Variants in LIMD1 observed in about 807,000 individuals in gnomAD.
The protein encoded by LIMD1 is LIM domain-containing protein 1.
In LIMD1, 23 loss-of-function variants were observed where a neutral mutation model predicts 58.4. That is an observed-to-expected ratio of 0.39 (90% CI 0.28 to 0.56). The LOEUF is 0.56. LIMD1 is among the 20% of genes least tolerant of loss of function. The pLI is 0.57. For missense variants in LIMD1, 838 were observed against 855.5 expected, an observed-to-expected ratio of 0.98 and a Z score of 0.25; for synonymous variants, 334 against 345.5, an observed-to-expected ratio of 0.97 and a Z score of 0.37.
chr3:45,623,467 C>G (rs750796551), intron 1 of LIMD1, among the ~76,000 whole-genome samples: 4 of 152,114 alleles, frequency 2.6e-5, no homozygotes, highest in Non-Finnish European at 4.4e-5. Context: ...CAAAAGTATA[C>G]CTACGGGCAG....
intron 4 of LIMD1, among the ~76,000 whole-genome samples, chr3:45,670,030 A>C (rs553016561): frequency 1.3e-5 from 2 of 152,190 alleles, no homozygotes; most frequent in Non-Finnish European, 2.9e-5. Context: ...TCTTAGCCCT[A>C]TTAGAGCCAT....
At position 45,644,233 on chromosome 3, in the gene LIMD1, C is replaced by T. The variant is rs116243157; in HGVS notation, c.1510+7982C>T. ...TTGGTGATTGACTCACCAGTTAGTT[C>T]GCCTCTGAAGGACTGGAGGGTTCTT... On this transcript the variant is annotated intron_variant, in intron 2 of 7. Transcript: ENST00000273317. Among the ~76,000 whole-genome samples the T allele has an allele frequency of 3.7e-3, 558 of 152,312 alleles. 2 individuals are homozygous for T. The highest frequency in any genetic ancestry group is 0.013 in the South Asian group (65 of 4,822).
intron 1 of LIMD1, among the ~76,000 whole-genome samples, chr3:45,597,054 G>A (rs986857452): frequency 5.3e-5 from 8 of 151,798 alleles, no homozygotes; most frequent in Non-Finnish European, 1.2e-4. Flanking sequence ...TAGAGACAGG[G>A]TTTCACTGCG....
At chr3:45,641,489 T>TATTTATATAAATAAAATAAAA (rs1344425142) in intron 2 of LIMD1, among the ~76,000 whole-genome samples, 3 of 148,590 alleles carry the variant, frequency 2.0e-5, no homozygotes, top group Non-Finnish European at 4.5e-5. Context: ...AAGCCAGATT[T>TATTTATATAAATAAAATAAAA]TATATATAAT....
chr3:45,619,839 C>CCCA (rs1491272722), intron 1 of LIMD1, among the ~76,000 whole-genome samples: 2 of 101,882 alleles, frequency 2.0e-5, no homozygotes, highest in Admixed American at 9.2e-5. Flanking sequence ...CCCCCCCCCC[C>CCCA]AAAAAAAGCA....
At chr3:45,616,691 C>T (rs1701579243) in intron 1 of LIMD1, among the ~76,000 whole-genome samples, 1 of 152,038 alleles carries the variant, frequency 6.6e-6, no homozygotes, top group African/African-American at 2.4e-5. Flanking sequence ...TCAAGATTCA[C>T]AAGCAAATCA....
At chr3:45,596,883 A>G (rs1701361763) in intron 1 of LIMD1, among the ~76,000 whole-genome samples, 1 of 137,804 alleles carries the variant, frequency 7.3e-6, no homozygotes, top group African/African-American at 2.9e-5. Flanking sequence ...TTTTTTTGAG[A>G]TGGAGTCTCG....
intron 2 of LIMD1, among the ~76,000 whole-genome samples, chr3:45,650,867 T>C (rs940544912): frequency 6.6e-6 from 1 of 152,014 alleles, no homozygotes; most frequent in Non-Finnish European, 1.5e-5. Flanking sequence ...ATGGGATGGC[T>C]GGGTCAAATG....
chr3:45,596,187 A>C lies in LIMD1; in HGVS notation c.1308A>C (p.Pro436=), dbSNP rs1234332255. 1.2e-6 allele frequency: 2 copies of C among 1,613,932 alleles called. No homozygotes were observed. The highest frequency in any genetic ancestry group is 2.2e-5 in the South Asian group (2 of 91,018). The change falls in exon 1 of 8, where the codon CCA becomes CCC. Residue 436 remains proline, a synonymous_variant. Transcript: ENST00000273317. ...RVRLPCQPLV[P]GPELRPSAAE... is the part of the protein sequence containing the mutation. ...GGCTGCCCTGCCAGCCCCTCGTCCC[A>C]GGTCCTGAGCTGAGACCCTCTGCTG...
intron 1 of LIMD1, among the ~76,000 whole-genome samples, chr3:45,618,664 A>G (rs528131556): frequency 6.6e-6 from 1 of 152,336 alleles, no homozygotes; most frequent in East Asian, 1.9e-4. Context: ...GTAAGAGCTT[A>G]CATGATCTCA....
At position 45,672,830 on chromosome 3, in the gene LIMD1, G is replaced by A; in HGVS notation, c.1772+10G>A. 6.2e-7 allele frequency: 1 copy of A among 1,613,296 alleles called. No homozygotes were observed. Among genetic ancestry groups the A allele is most frequent in the Non-Finnish European group, 8.5e-7 (1 of 1,179,490 alleles). ...TCCGAGATTACCACAAGTAAGAAGG[G>A]ATGGGAGCAGACAGGACCCATTCGT... On this transcript the variant is annotated intron_variant, in intron 5 of 7. Transcript: ENST00000273317.
intron 7 of LIMD1, chr3:45,674,627 C>A: frequency 2.0e-6 from 1 of 496,364 alleles, no homozygotes; most frequent in Non-Finnish European, 3.7e-6. Flanking sequence ...ATATTCAGAA[C>A]TATCAAGTCC....
At chr3:45,669,073 C>T (rs532945463) in intron 4 of LIMD1, among the ~76,000 whole-genome samples, 58 of 152,264 alleles carry the variant, frequency 3.8e-4, no homozygotes, top group Non-Finnish European at 7.5e-4. Flanking sequence ...CACACCATTA[C>T]GAAGATGAGT....
intron 2 of LIMD1, among the ~76,000 whole-genome samples, chr3:45,653,093 T>C (rs761985736): frequency 3.3e-5 from 5 of 152,248 alleles, no homozygotes; most frequent in Non-Finnish European, 7.3e-5. Flanking sequence ...AGTTGGGGCT[T>C]GGATTTTATG....
chr3:45,674,524 T>C lies in LIMD1; in HGVS notation c.1893+113T>C, dbSNP rs1697641489. The stretch of plus-strand genomic sequence containing the variant: ...ACAAGATTCTGGCAAGGGTCAGCCC[T>C]CTAGAGCTTCTGTAGGAAATGGAAT... On this transcript the variant is annotated intron_variant, in intron 7 of 7. Transcript: ENST00000273317. The C allele has an allele frequency of 1.8e-5, 13 of 736,812 alleles. No homozygotes were observed. The South Asian group carries it at 2.2e-4, about 13-fold the overall frequency. The allele number at this position is 736,812 out of a possible 1,614,324, so 45.6% of individuals were successfully genotyped here. A position where few individuals can be genotyped will look rare whatever the true frequency, so the allele number is the denominator to read the frequency against.
At chr3:45,618,437 C>T (rs1701595220) in intron 1 of LIMD1, among the ~76,000 whole-genome samples, 1 of 151,856 alleles carries the variant, frequency 6.6e-6, no homozygotes, top group Non-Finnish European at 1.5e-5. Context: ...GGGCGTGGGG[C>T]AGGGAAGGAG....
rs935329975 is a variant in LIMD1 at position 45,680,515 on chromosome 3, C to T, written c.*3456C>T. Reference sequence around the variant, plus strand: ...TATTTTTAATAGAGACGAGTTTCACCATGTTGCCCAGGATGGTCTGGAACT... The same window carrying T: ...TATTTTTAATAGAGACGAGTTTCACTATGTTGCCCAGGATGGTCTGGAACT... On this transcript the variant is annotated 3_prime_UTR_variant, in exon 8 of 8. Transcript: ENST00000273317. 1.3e-5 allele frequency: 2 copies of T among 151,970 alleles called. No homozygotes were observed. Among genetic ancestry groups the T allele is most frequent in the Non-Finnish European group, 2.9e-5 (2 of 68,014 alleles). 9.4% of individuals were successfully genotyped at this position (151,970 alleles called of 1,614,324 possible).
In LIMD1 at chr3:45,650,955, C is replaced by T. The variant is rs556925142; in HGVS notation, c.1511-14695C>T. ...TTGAACTAATTTACACTCCCACCAA[C>T]AGTGTAAAAGCGTTCCTGTTTCCCA... On this transcript the variant is annotated intron_variant, in intron 2 of 7. Transcript: ENST00000273317. 1.0e-3 allele frequency among the ~76,000 whole-genome samples: 154 copies of T among 151,666 alleles called. 1 individual carries two copies. The highest frequency in any genetic ancestry group is 1.2e-3 in the Non-Finnish European group (80 of 67,944).
chr3:45,627,852 A>T (rs902861308), intron 1 of LIMD1, among the ~76,000 whole-genome samples: 4 of 151,946 alleles, frequency 2.6e-5, no homozygotes, highest in Admixed American at 2.6e-4. Context: ...TACTGAAAAT[A>T]CAAAAATTAG....
Sources: allele counts gnomAD v4.1 joint callset (sites outside exome capture counted in the v4.1 genomes callset), GRCh38; gene constraint gnomAD v4.1.1; transcripts MANE v1.5; gene names NCBI Gene and HGNC (gene_info 2026-07-23, HGNC 2026-07-21).